Variants in NUS1 observed in about 807,000 individuals in gnomAD.
NUS1 encodes the protein NUS1 dehydrodolichyl diphosphate synthase subunit.
For missense variants in NUS1, 292 were observed against 382.9 expected, an observed-to-expected ratio of 0.76 and a Z score of 1.98; for synonymous variants, 135 against 155.2, an observed-to-expected ratio of 0.87 and a Z score of 0.97.
Position 117,679,905 on chromosome 6 carries a change from A to G in NUS1, c.415+3820A>G, listed in dbSNP as rs146167762. Among the ~76,000 whole-genome samples the G allele has an allele frequency of 2.3e-3, 352 of 152,260 alleles. 3 individuals are homozygous for G. Among genetic ancestry groups the G allele is most frequent in the African/African-American group, 8.1e-3 (337 of 41,546 alleles). ...CAATGAGAAAATGGCTTGTGTAGAA[A>G]GGTTGGGTGAGGATTTGAAGGGAGA... On this transcript the variant is annotated intron_variant, in intron 1 of 4. Coordinates refer to ENST00000368494, the MANE Select transcript of NUS1 (RefSeq NM_138459.5).
At chr6:117,696,651 C>T (rs895821098) in intron 3 of NUS1, among the ~76,000 whole-genome samples, 5 of 151,994 alleles carry the variant, frequency 3.3e-5, no homozygotes, top group Non-Finnish European at 7.4e-5. Flanking sequence ...GAAACTTTTA[C>T]CCTAGAATAA....
chr6:117,694,725 C>G (rs1773290965), intron 3 of NUS1, among the ~76,000 whole-genome samples: 1 of 152,108 alleles, frequency 6.6e-6, no homozygotes, highest in South Asian at 2.1e-4. Context: ...AGAATTCCCT[C>G]TAGGACCTTT....
In NUS1 at chr6:117,693,210, T is replaced by G. The variant is rs747185494; in HGVS notation, c.541+43T>G. ...ATTGAACATGTAACATATGAAGATG[T>G]GTGTTTTGTGTTTCATGGCAATTTC... On this transcript the variant is annotated intron_variant, in intron 2 of 4. Transcript: ENST00000368494. The G allele has an allele frequency of 2.2e-5, 35 of 1,568,924 alleles. No individual in the cohort carries two copies. In the South Asian group the frequency reaches 3.9e-4, roughly 18 times the overall value.
At chr6:117,691,027 T>C (rs943313739) in intron 1 of NUS1, among the ~76,000 whole-genome samples, 1 of 146,774 alleles carries the variant, frequency 6.8e-6, no homozygotes, top group Non-Finnish European at 1.5e-5. Flanking sequence ...CTACCTAGGA[T>C]AAAAGCCATG....
At position 117,708,224 on chromosome 6, in the gene NUS1, AGAGAGCAGCACTGGTTCT is replaced by A. The variant is rs1375643496; in HGVS notation, c.*1211_*1228del. 1.3e-5 allele frequency: 2 copies of A among 152,678 alleles called. No homozygotes were observed. The highest frequency in any genetic ancestry group is 2.9e-5 in the Non-Finnish European group (2 of 68,034). The allele number at this position is 152,678 out of a possible 1,614,324, so 9.5% of individuals were successfully genotyped here. A position where few individuals can be genotyped will look rare whatever the true frequency, so the allele number is the denominator to read the frequency against. ...AATTTTACATGTTCTCTTTTATGAC[AGAGAGCAGCACTGGTTCT>A]GTTATTTTTAAAATGAATAATTGAT... On this transcript the variant is annotated 3_prime_UTR_variant, in exon 5 of 5. Coordinates refer to ENST00000368494, the MANE Select transcript of NUS1 (RefSeq NM_138459.5).
chr6:117,676,593 A>G (rs1271341682), intron 1 of NUS1, among the ~76,000 whole-genome samples: 1 of 152,202 alleles, frequency 6.6e-6, no homozygotes, highest in Non-Finnish European at 1.5e-5. Flanking sequence ...AAGTAAATAA[A>G]TAAATAAAAA....
rs1048838553 is a variant in NUS1, at chr6:117,710,620, T to A, written c.*3605T>A. ...GTAACAAGTTAATAAAGAGATTTTT[T>A]AAAAAACTATAAACTAGAAATTGAG... On this transcript the variant is annotated 3_prime_UTR_variant, in exon 5 of 5. Coordinates refer to ENST00000368494, the MANE Select transcript of NUS1 (RefSeq NM_138459.5). The A allele has an allele frequency of 2.6e-5, 4 of 152,178 alleles. No homozygotes were observed. The highest frequency in any genetic ancestry group is 2.1e-4 in the South Asian group (1 of 4,830). The allele number at this position is 152,178 out of a possible 1,614,324, so 9.4% of individuals were successfully genotyped here. A position where few individuals can be genotyped will look rare whatever the true frequency, so the allele number is the denominator to read the frequency against.
rs1562179045 is a variant in NUS1 at position 117,693,104 on chromosome 6, C to T, written c.478C>T (p.Leu160=). Residue 160 remains leucine (L), a synonymous_variant, in exon 2 of 5, where the codon CTG becomes TTG. Transcript: ENST00000368494. The stretch of plus-strand genomic sequence containing the variant: ...AATTTTAAAACAACAGCAAGAACTT[C>T]TGGGCCTAGATTGTTCAAAATACTC... ...DEILKQQQEL[L]GLDCSKYSPE... is the part of the protein sequence containing the mutation. 6.2e-7 allele frequency: 1 copy of T among 1,611,460 alleles called. No homozygotes were observed. The highest frequency in any genetic ancestry group is 8.5e-7 in the Non-Finnish European group (1 of 1,177,922).
Position 117,710,607 on chromosome 6 carries a change from TAAAG to T in NUS1, c.*3594_*3597del. ...AATGTATTCTACTGTAACAAGTTAA[TAAAG>T]AGATTTTTTAAAAAACTATAAACTA... On this transcript the variant is annotated 3_prime_UTR_variant, in exon 5 of 5. Coordinates refer to ENST00000368494, the MANE Select transcript of NUS1 (RefSeq NM_138459.5). 6.6e-6 allele frequency: 1 copy of T among 152,240 alleles called. No individual in the cohort carries two copies. Among genetic ancestry groups the T allele is most frequent in the Non-Finnish European group, 1.5e-5 (1 of 67,972 alleles). 9.4% of individuals were successfully genotyped at this position (152,240 alleles called of 1,614,324 possible). A position where few individuals can be genotyped will look rare whatever the true frequency, so the allele number is the denominator to read the frequency against.
intron 4 of NUS1, 147 bp from the exon 5 acceptor site, chr6:117,706,778 C>A: frequency 1.6e-6 from 1 of 615,592 alleles, no homozygotes; most frequent in Non-Finnish European, 3.0e-6. Flanking sequence ...ATGATTAAGA[C>A]ATTTTCCGTG....
chr6:117,689,818 G>A (rs1048622558), intron 1 of NUS1, among the ~76,000 whole-genome samples: 2 of 152,030 alleles, frequency 1.3e-5, no homozygotes, highest in African/African-American at 4.8e-5. Flanking sequence ...CTCCTGCCTT[G>A]GCCTCCCAAA....
chr6:117,707,448 A>AT lies in NUS1; in HGVS notation c.*438dup, dbSNP rs1295896242. 2.5e-5 allele frequency: 4 copies of AT among 157,202 alleles called. No individual in the cohort carries two copies. The highest frequency in any genetic ancestry group is 1.1e-4 in the African/African-American group (4 of 36,898). The allele number at this position is 157,202 out of a possible 1,614,324, so 9.7% of individuals were successfully genotyped here. A position where few individuals can be genotyped will look rare whatever the true frequency, so the allele number is the denominator to read the frequency against. ...AGTCCTTCTTAGTGACCAAACTTTA[A>AT]TTTTTAAGAATAATATATTGACTTA... On this transcript the variant is annotated 3_prime_UTR_variant, in exon 5 of 5. Coordinates refer to ENST00000368494, the MANE Select transcript of NUS1 (RefSeq NM_138459.5).
At chr6:117,702,154 T>C (rs1323941489) in intron 3 of NUS1, among the ~76,000 whole-genome samples, 2 of 152,200 alleles carry the variant, frequency 1.3e-5, no homozygotes, top group Non-Finnish European at 2.9e-5. Context: ...CTGTTAAATT[T>C]CTTGCCATTG....
chr6:117,703,997 CTTAT>C (rs1270572583), intron 4 of NUS1, among the ~76,000 whole-genome samples: 1 of 151,944 alleles, frequency 6.6e-6, no homozygotes, highest in Non-Finnish European at 1.5e-5. Context: ...GGGTAGTTTT[CTTAT>C]TTAGAGAAAA....
intron 2 of NUS1, among the ~76,000 whole-genome samples, chr6:117,693,632 C>CT (rs945189191): frequency 1.3e-5 from 2 of 152,264 alleles, no homozygotes; most frequent in South Asian, 2.1e-4. Flanking sequence ...ATATTCCACT[C>CT]TAACAGTTTT....
chr6:117,689,589 GTCTT>G (rs1420363437), intron 1 of NUS1, among the ~76,000 whole-genome samples: 1 of 151,530 alleles, frequency 6.6e-6, no homozygotes, highest in Non-Finnish European at 1.5e-5. Context: ...TAAAGAAAGA[GTCTT>G]TCTCTGTTGC....
intron 1 of NUS1, among the ~76,000 whole-genome samples, chr6:117,680,640 T>G (rs2114678097): frequency 6.6e-6 from 1 of 152,354 alleles, no homozygotes; most frequent in South Asian, 2.1e-4. Flanking sequence ...TGTATGATAC[T>G]TCTGCACACT....
At chr6:117,693,201 A>G (rs1322486452) in intron 2 of NUS1, 34 bp downstream of exon 2, 3 of 1,593,000 alleles carry the variant, frequency 1.9e-6, no homozygotes, top group South Asian at 1.1e-5. Context: ...CATGTAACAT[A>G]TGAAGATGTG....
intron 3 of NUS1, among the ~76,000 whole-genome samples, chr6:117,695,431 G>A (rs189975201): frequency 6.6e-6 from 1 of 152,086 alleles, no homozygotes; most frequent in East Asian, 1.9e-4. Context: ...CCATTATGGG[G>A]CCTCTCTGCT....
Sources: allele counts gnomAD v4.1 joint callset (sites outside exome capture counted in the v4.1 genomes callset), GRCh38; gene constraint gnomAD v4.1.1; transcripts MANE v1.5; gene names NCBI Gene and HGNC (gene_info 2026-07-23, HGNC 2026-07-21).